Variants in EPHB1 observed in about 807,000 individuals in gnomAD.
EPHB1 encodes the protein EPH receptor B1.
A neutral mutation model predicts 94.4 loss-of-function variants in EPHB1; 30 were observed. The ratio of observed to expected loss-of-function variants is 0.32; its 90% CI spans 0.24 to 0.43. The LOEUF is 0.43. Ranked by LOEUF, EPHB1 falls within the 20% of genes least tolerant of loss-of-function variation. EPHB1 has a pLI of 1.00. For missense variants in EPHB1, 1,055 were observed against 1,308.3 expected (o/e 0.81, Z 2.99); for synonymous variants, 522 against 489.1 (o/e 1.07, Z -0.89).
At chr3:135,237,986 T>A (rs570681279) in intron 12 of EPHB1, among the ~76,000 whole-genome samples, 4 of 152,188 alleles carry the variant, frequency 2.6e-5, no homozygotes, top group Non-Finnish European at 5.9e-5. Flanking sequence ...CTGGTCACCA[T>A]CCTCTAAATT....
intron 1 of EPHB1, among the ~76,000 whole-genome samples, chr3:134,843,512 A>G (rs1178343418): frequency 4.0e-5 from 6 of 151,800 alleles, no homozygotes; most frequent in African/African-American, 1.2e-4. Context: ...TTTTTATCAC[A>G]TGTATGTTGA....
At chr3:135,234,804 TCATGAGAACAG>T (rs1293640182) in intron 12 of EPHB1, among the ~76,000 whole-genome samples, 1 of 152,190 alleles carries the variant, frequency 6.6e-6, no homozygotes, top group African/African-American at 2.4e-5. Context: ...TCACTCACTA[TCATGAGAACAG>T]CATGAGAGTA....
chr3:134,810,232 C>T (rs1393311224), intron 1 of EPHB1, among the ~76,000 whole-genome samples: 1 of 151,630 alleles, frequency 6.6e-6, no homozygotes, highest in African/African-American at 2.4e-5. Context: ...TGGCAATTAA[C>T]ATTCTTTCCA....
At chr3:134,833,101 C>CT (rs2036607660) in intron 1 of EPHB1, among the ~76,000 whole-genome samples, 1 of 152,186 alleles carries the variant, frequency 6.6e-6, no homozygotes, top group African/African-American at 2.4e-5. Flanking sequence ...GATCCCAGCC[C>CT]TGTGTGCTCA....
chr3:134,840,557 T>C (rs370959379), intron 1 of EPHB1: 38 of 152,208 alleles, frequency 2.5e-4, no homozygotes, highest in African/African-American at 8.9e-4. Context: ...CCTTTAAAAA[T>C]AGTTTCTCAG....
chr3:135,050,840 C>G (rs1242198980), intron 3 of EPHB1, among the ~76,000 whole-genome samples: 1 of 152,124 alleles, frequency 6.6e-6, no homozygotes, highest in Admixed American at 6.6e-5. Context: ...CTTCCTGAGG[C>G]CTCACCAGAA....
At chr3:135,233,147 A>G (rs959881082) in intron 12 of EPHB1, among the ~76,000 whole-genome samples, 1 of 152,250 alleles carries the variant, frequency 6.6e-6, no homozygotes, top group East Asian at 1.9e-4. Context: ...TCGTTCCAGC[A>G]TTAACCCAAA....
rs849854 is a variant in EPHB1, at chr3:135,004,252, A to G, written c.805+52200A>G. On this transcript the variant is annotated intron_variant, in intron 3 of 15. Coordinates refer to ENST00000398015, the MANE Select transcript of EPHB1 (RefSeq NM_004441.5). The stretch of plus-strand genomic sequence containing the variant: ...TGGCTGGATATGAAATTCTGGGTTG[A>G]AAATTCTTTTCTTTAAGAATGTTGA... 2.2e-3 allele frequency among the ~76,000 whole-genome samples: 330 copies of G among 151,070 alleles called. 4 individuals are homozygous for G. The highest frequency in any genetic ancestry group is 7.6e-3 in the African/African-American group (311 of 41,160).
chr3:135,245,176 T>TGCAGGGCA (rs1943889146), intron 13 of EPHB1, among the ~76,000 whole-genome samples: 1 of 152,210 alleles, frequency 6.6e-6, no homozygotes, highest in South Asian at 2.1e-4. Flanking sequence ...ACACCTTCTG[T>TGCAGGGCA]GTGATGAGGA....
At chr3:134,812,399 A>G (rs945006488) in intron 1 of EPHB1, among the ~76,000 whole-genome samples, 2 of 152,110 alleles carry the variant, frequency 1.3e-5, no homozygotes, top group African/African-American at 4.8e-5. Flanking sequence ...GACTTCTTTC[A>G]CTTAGCATGA....
At chr3:135,187,851 A>G (rs1388944263) in intron 10 of EPHB1, among the ~76,000 whole-genome samples, 1 of 152,080 alleles carries the variant, frequency 6.6e-6, no homozygotes, top group Non-Finnish European at 1.5e-5. Context: ...TTTCTCTTCC[A>G]GTGAGACTCC....
chr3:135,129,186 C>T (rs1040023896), intron 4 of EPHB1, among the ~76,000 whole-genome samples: 1 of 151,662 alleles, frequency 6.6e-6, no homozygotes, highest in Non-Finnish European at 1.5e-5. Flanking sequence ...TGGAAAAAAA[C>T]CCTTCCCCTG....
intron 3 of EPHB1, among the ~76,000 whole-genome samples, chr3:134,966,076 C>A (rs6782004): frequency 2.0e-5 from 3 of 152,074 alleles, no homozygotes; most frequent in Non-Finnish European, 4.4e-5. Flanking sequence ...GCACTGGGTA[C>A]ACAGAGGGGC....
chr3:134,932,085 G>C (rs1248639075), intron 2 of EPHB1, among the ~76,000 whole-genome samples: 1 of 151,930 alleles, frequency 6.6e-6, no homozygotes, highest in African/African-American at 2.4e-5. Flanking sequence ...CTCACCCTGT[G>C]CTTCAGTAAG....
chr3:135,032,255 T>A (rs201752082), intron 3 of EPHB1, among the ~76,000 whole-genome samples: 10 of 150,820 alleles, frequency 6.6e-5, no homozygotes, highest in Middle Eastern at 3.4e-3. Context: ...TTTTTTTTTT[T>A]AAATCTCTTT....
intron 11 of EPHB1, 114 bp from the exon 12 acceptor site, chr3:135,201,360 G>T: frequency 1.0e-6 from 1 of 992,162 alleles, no homozygotes; most frequent in Admixed American, 1.8e-5. Flanking sequence ...GACACAGTGA[G>T]TGGCTTGGCC....
chr3:134,937,772 C>T (rs2039032810), intron 2 of EPHB1, among the ~76,000 whole-genome samples: 2 of 152,332 alleles, frequency 1.3e-5, no homozygotes, highest in South Asian at 4.1e-4. Flanking sequence ...CTGCCTTGTT[C>T]TACAAGGCCG....
At chr3:135,113,033 C>T (rs891733250) in intron 4 of EPHB1, among the ~76,000 whole-genome samples, 1 of 152,138 alleles carries the variant, frequency 6.6e-6, no homozygotes, top group Admixed American at 6.5e-5. Context: ...CCATGTTGCC[C>T]GTTAAAAAAT....
intron 3 of EPHB1, among the ~76,000 whole-genome samples, chr3:135,001,859 T>G (rs1327475327): frequency 6.6e-6 from 1 of 152,222 alleles, no homozygotes; most frequent in African/African-American, 2.4e-5. Context: ...CCATAACTTA[T>G]TTAACTAGTC....
Sources: gnomAD v4.1 joint callset for allele counts (sites outside exome capture counted in the v4.1 genomes callset) on GRCh38, gnomAD v4.1.1 for gene constraint, MANE v1.5 for transcripts, NCBI Gene and HGNC (gene_info 2026-07-23, HGNC 2026-07-21) for gene names.